CCT3: variants seen among roughly 807,000 people sequenced by gnomAD.
The protein encoded by CCT3 is T-complex protein 1 subunit gamma.
In CCT3, 10 loss-of-function variants were observed where a neutral mutation model predicts 65.3. That is an observed-to-expected ratio of 0.15 (90% confidence interval 0.09 to 0.26). CCT3 has a LOEUF of 0.26. Ranked by LOEUF, CCT3 falls within the 10% of genes least tolerant of loss-of-function variation. The pLI is 1.00. For missense variants in CCT3, 626 were observed against 708.7 expected (o/e 0.88, Z 1.33); for synonymous variants, 225 against 242.3 (o/e 0.93, Z 0.66).
At position 156,312,023 on chromosome 1, in the gene CCT3, C is replaced by T; in HGVS notation, c.1155+18G>A. The T allele has an allele frequency of 6.3e-7, 1 of 1,593,916 alleles. No individual in the cohort carries two copies. The highest frequency in any genetic ancestry group is 8.5e-7 in the Non-Finnish European group (1 of 1,171,020). On this transcript the variant is annotated intron_variant, in intron 11 of 13. Transcript: ENST00000295688. ...CAGTGATCTACTTCATCTGGTCATACATCCAAGGCTGACTCACCGAGAGAA... is the reference window on the plus strand; with the variant it reads ...CAGTGATCTACTTCATCTGGTCATATATCCAAGGCTGACTCACCGAGAGAA...
intron 10 of CCT3, among the ~76,000 whole-genome samples, chr1:156,312,837 A>C (rs943728756): frequency 6.6e-6 from 1 of 152,226 alleles, no homozygotes; most frequent in African/African-American, 2.4e-5. Flanking sequence ...CAGCATACCT[A>C]TATACACTAA....
intron 5 of CCT3, among the ~76,000 whole-genome samples, chr1:156,327,578 C>G (rs2101660348): frequency 1.3e-5 from 2 of 152,362 alleles, no homozygotes; most frequent in Middle Eastern, 6.8e-3. Context: ...CAGACGGAGT[C>G]TCGTTCACTC....
rs373374667 is a variant in CCT3 at position 156,309,165 on chromosome 1, T to G, written c.*34A>C. The stretch of plus-strand genomic sequence containing the variant: ...GGCTCAGGAAAAGGGGAGACTCTGC[T>G]GGTTCTGTGCATTGAAGTAGCCTTG... On this transcript the variant is annotated 3_prime_UTR_variant, in exon 14 of 14. Coordinates refer to ENST00000295688, the MANE Select transcript of CCT3 (RefSeq NM_005998.5). 151 of 1,367,072 alleles carry G rather than the reference T, an allele frequency of 1.1e-4. No homozygotes were observed. The highest frequency in any genetic ancestry group is 1.5e-4 in the Non-Finnish European group (148 of 954,874). The allele number at this position is 1,367,072 out of a possible 1,614,324, so 84.7% of individuals were successfully genotyped here.
chr1:156,333,659 A>C lies in CCT3; in HGVS notation c.208-16T>G. 6.2e-7 allele frequency: 1 copy of C among 1,602,384 alleles called. No individual in the cohort carries two copies. On this transcript the variant is annotated splice_polypyrimidine_tract_variant and intron_variant, in intron 4 of 13. Coordinates refer to ENST00000295688, the MANE Select transcript of CCT3 (RefSeq NM_005998.5). ...GGACTTGAATCTAAAAAGGTAGATC[A>C]CTAGTGAATTCACACTATTCAAAGA...
intron 5 of CCT3, among the ~76,000 whole-genome samples, chr1:156,329,453 G>A (rs548211652): frequency 2.6e-5 from 4 of 151,648 alleles, no homozygotes; most frequent in African/African-American, 7.3e-5. Flanking sequence ...CTACAGGCAC[G>A]CGCCACCATG....
intron 5 of CCT3, among the ~76,000 whole-genome samples, chr1:156,327,202 A>G (rs1664853449): frequency 6.6e-6 from 1 of 152,248 alleles, no homozygotes; most frequent in Non-Finnish European, 1.5e-5. Flanking sequence ...CCTTTTGCAC[A>G]AATTGCTTGT....
rs58684067 is a variant in CCT3, at chr1:156,337,792, G to GA, written c.31+361dup. On this transcript the variant is annotated intron_variant, in intron 1 of 13. Transcript: ENST00000295688. ...CAAGAATATAAAGCTAGACCTAACT[G>GA]AAAAAAAAACAAAAAAAAACGTTAT... The GA allele has an allele frequency of 6.7e-3, 1,857 of 278,934 alleles. 3 individuals are homozygous for GA. The highest frequency in any genetic ancestry group is 9.5e-3 in the Middle Eastern group (9 of 944). 17.3% of individuals were successfully genotyped at this position (278,934 alleles called of 1,614,324 possible).
At chr1:156,321,277 A>G (rs968354213) in intron 6 of CCT3, among the ~76,000 whole-genome samples, 85 of 152,238 alleles carry the variant, frequency 5.6e-4, no homozygotes, top group African/African-American at 2.0e-3. Flanking sequence ...TACAAAGATT[A>G]TAGTAAAATA....
At chr1:156,333,171 T>C (rs1049727416) in intron 5 of CCT3, 2 of 259,318 alleles carry the variant, frequency 7.7e-6, no homozygotes, top group African/African-American at 4.7e-5. Context: ...CACGTGACTA[T>C]AGTCCCAGCT....
intron 6 of CCT3, among the ~76,000 whole-genome samples, chr1:156,323,054 C>G (rs1467574804): frequency 6.6e-6 from 1 of 151,652 alleles, no homozygotes; most frequent in African/African-American, 2.4e-5. Context: ...CGCCTGTAAT[C>G]CCAGCACTTC....
chr1:156,327,447 C>T (rs538946832), intron 5 of CCT3, among the ~76,000 whole-genome samples: 8 of 152,236 alleles, frequency 5.3e-5, no homozygotes, highest in African/African-American at 1.9e-4. Flanking sequence ...CGCGCCGCCA[C>T]GCCTGACTGG....
intron 13 of CCT3, 58 bp from the exon 14 acceptor site, chr1:156,309,361 T>C: frequency 8.8e-7 from 1 of 1,134,390 alleles, no homozygotes; most frequent in Non-Finnish European, 1.3e-6. Flanking sequence ...ACACTTTTCT[T>C]TCCTTTAGAT....
intron 1 of CCT3, 72 bp from the exon 2 acceptor site, chr1:156,335,960 C>A: frequency 8.0e-7 from 1 of 1,247,448 alleles, no homozygotes. Context: ...ATTTCCCCGT[C>A]TTTGAAAAAT....
intron 5 of CCT3, among the ~76,000 whole-genome samples, chr1:156,332,282 G>C (rs1000455773): frequency 6.6e-6 from 1 of 152,182 alleles, no homozygotes; most frequent in Non-Finnish European, 1.5e-5. Context: ...AAAGTGCTGG[G>C]ATTACAGGTG....
chr1:156,328,118 A>G (rs1437846662), intron 5 of CCT3, among the ~76,000 whole-genome samples: 1 of 134,612 alleles, frequency 7.4e-6, no homozygotes, highest in Non-Finnish European at 1.6e-5. Flanking sequence ...CCGGGAGGTG[A>G]GGGGCGCCTC....
chr1:156,338,135 T>C lies in CCT3; in HGVS notation c.31+19A>G. On this transcript the variant is annotated intron_variant, in intron 1 of 13. Coordinates refer to ENST00000295688, the MANE Select transcript of CCT3 (RefSeq NM_005998.5). ...GAGGGCGAAAAGGGGGTCCATTTCC[T>C]GGCATCCCCAGAACTCACTGAGCAC... The C allele has an allele frequency of 6.3e-7, 1 of 1,580,070 alleles. No individual in the cohort carries two copies. The highest frequency in any genetic ancestry group is 8.6e-7 in the Non-Finnish European group (1 of 1,164,144).
Position 156,312,677 on chromosome 1 carries a change from A to C in CCT3, c.975-456T>G, listed in dbSNP as rs147412490. Among the ~76,000 whole-genome samples the C allele has an allele frequency of 9.0e-3, 1,368 of 151,654 alleles. 24 individuals carry two copies. Among genetic ancestry groups the C allele is most frequent in the African/African-American group, 0.031 (1,297 of 41,302 alleles). On this transcript the variant is annotated intron_variant, in intron 10 of 13. Coordinates refer to ENST00000295688, the MANE Select transcript of CCT3 (RefSeq NM_005998.5). ...TATCTAAAAAAAAACAAACACAAAA[A>C]CCCCAAAAAACAACAACAAAAAAAA...
intron 10 of CCT3, among the ~76,000 whole-genome samples, chr1:156,314,094 A>AG (rs1480989209): frequency 6.6e-6 from 1 of 151,854 alleles, no homozygotes; most frequent in Non-Finnish European, 1.5e-5. Context: ...TCCAAAAAAA[A>AG]AAAAAAAAAA....
At chr1:156,315,231 G>T (rs978289693) in intron 10 of CCT3, among the ~76,000 whole-genome samples, 1 of 151,986 alleles carries the variant, frequency 6.6e-6, no homozygotes, top group Non-Finnish European at 1.5e-5. Flanking sequence ...TTTTGGAGAC[G>T]GACTTTCACT....
Sources: allele counts gnomAD v4.1 joint callset (sites outside exome capture counted in the v4.1 genomes callset), GRCh38; gene constraint gnomAD v4.1.1; transcripts MANE v1.5; gene names NCBI Gene and HGNC (gene_info 2026-07-23, HGNC 2026-07-21).